CSMD2: variants seen among roughly 807,000 people sequenced by gnomAD.
The protein encoded by CSMD2 is CUB and sushi domain-containing protein 2.
CSMD2 carries 130 observed loss-of-function variants against 398.5 expected under a neutral mutation model. The ratio of observed to expected loss-of-function variants is 0.33; its 90% CI spans 0.28 to 0.38. The LOEUF (loss-of-function observed/expected upper bound fraction) is 0.38, where lower values mean the gene tolerates loss of function less well. CSMD2 is among the 10% of genes least tolerant of loss of function. The pLI is 1.00. For missense variants in CSMD2, 3,829 were observed against 4,764.9 expected, an observed-to-expected ratio of 0.80 and a Z score of 5.78; for synonymous variants, 1,828 against 1,908.5, an observed-to-expected ratio of 0.96 and a Z score of 1.10.
intron 1 of CSMD2, among the ~76,000 whole-genome samples, chr1:34,130,389 CAAAAAA>C (rs60733725): frequency 1.1e-3 from 66 of 58,496 alleles, no homozygotes; most frequent in East Asian, 4.1e-3. Flanking sequence ...TGTCTGGAGG[CAAAAAA>C]AAAAAAAAAA....
At chr1:33,526,040 T>C (rs565009698) in intron 65 of CSMD2, among the ~76,000 whole-genome samples, 14 of 152,326 alleles carry the variant, frequency 9.2e-5, no homozygotes, top group African/African-American at 3.4e-4. Context: ...GGTGAGATGA[T>C]GGGTATGTTA....
intron 1 of CSMD2, among the ~76,000 whole-genome samples, chr1:34,108,792 C>T (rs576961906): frequency 3.9e-5 from 6 of 152,134 alleles, no homozygotes; most frequent in Non-Finnish European, 2.9e-5. Flanking sequence ...TTGGGCCAGA[C>T]GGAACCACAG....
At chr1:34,025,285 C>A (rs1649494798) in intron 3 of CSMD2, among the ~76,000 whole-genome samples, 1 of 152,040 alleles carries the variant, frequency 6.6e-6, no homozygotes, top group South Asian at 2.1e-4. Context: ...AGAAGTGACA[C>A]TAAGTGGAGC....
intron 44 of CSMD2, among the ~76,000 whole-genome samples, chr1:33,591,207 A>G (rs1339601832): frequency 3.3e-5 from 5 of 151,984 alleles, no homozygotes; most frequent in African/African-American, 9.7e-5. Context: ...AGGCTGGTCT[A>G]GAACTGCCAA....
intron 24 of CSMD2, 82 bp downstream of exon 24, chr1:33,698,671 G>T: frequency 7.5e-7 from 1 of 1,330,416 alleles, no homozygotes; most frequent in Non-Finnish European, 1.0e-6. Context: ...TGGAGCATGG[G>T]GTCTAACTGG....
intron 1 of CSMD2, among the ~76,000 whole-genome samples, chr1:34,144,244 T>C (rs1639568614): frequency 1.3e-5 from 2 of 152,160 alleles, no homozygotes; most frequent in South Asian, 4.1e-4. Context: ...GCCAACCAGC[T>C]CAGGTCCAGA....
intron 1 of CSMD2, among the ~76,000 whole-genome samples, chr1:34,153,849 C>T (rs1275459992): frequency 6.6e-6 from 1 of 152,168 alleles, no homozygotes; most frequent in Non-Finnish European, 1.5e-5. Flanking sequence ...TCATCAGTGC[C>T]CTCCTATCTC....
Position 33,519,783 on chromosome 1 carries a change from G to T in CSMD2, c.10736+29C>A. The T allele has an allele frequency of 6.2e-7, 1 of 1,613,218 alleles. No individual in the cohort carries two copies. The highest frequency in any genetic ancestry group is 8.5e-7 in the Non-Finnish European group (1 of 1,179,322). Reference sequence around the variant, plus strand: ...AGGGAGAGAGGGAGGCCTGCCTGATGCCCGCCCTGCCTCCTTCCTGCACGG... The same window carrying T: ...AGGGAGAGAGGGAGGCCTGCCTGATTCCCGCCCTGCCTCCTTCCTGCACGG... On this transcript the variant is annotated intron_variant, in intron 69 of 70. Transcript: ENST00000373381. The surrounding 1 kb of genome is among the most constrained non-coding windows in gnomAD (Gnocchi z 5.6).
At position 33,537,489 on chromosome 1, in the gene CSMD2, C is replaced by T. The variant is rs149230645; in HGVS notation, c.9752G>A (p.Arg3251His). The change falls in exon 61 of 71, where the codon CGC (arginine) becomes CAC (histidine). Residue 3251 changes from arginine to histidine, a missense_variant. This residue lies in a region of CSMD2 where 917 missense variants were observed against 1,199.5 expected (regional missense o/e 0.76). Coordinates refer to ENST00000373381, the MANE Select transcript of CSMD2 (RefSeq NM_001281956.2). The surrounding 1 kb of genome is among the most constrained non-coding windows in gnomAD (Gnocchi z 4.6). ...HPPLVLVGSP[R>H]RFCQSDGTWS... The stretch of plus-strand genomic sequence containing the variant: ...TGTCCCATCTGACTGGCAAAACCTG[C>T]GTGGAGAGCCCACCAGCACCAGAGG... 5.1e-5 allele frequency: 83 copies of T among 1,614,158 alleles called. No homozygotes were observed. In the East Asian group the frequency reaches 6.7e-4, roughly 13 times the overall value.
At chr1:33,605,625 G>A (rs1187392759) in intron 41 of CSMD2, among the ~76,000 whole-genome samples, 155 bp from the exon 42 acceptor site, 4 of 152,192 alleles carry the variant, frequency 2.6e-5, no homozygotes. Context: ...ACTTGTGTAC[G>A]CCTCAGTTTT....
At chr1:33,908,993 G>C (rs1570470149) in intron 5 of CSMD2, among the ~76,000 whole-genome samples, 1 of 152,332 alleles carries the variant, frequency 6.6e-6, no homozygotes, top group South Asian at 2.1e-4. Context: ...AGGAAGGAGA[G>C]AGAAGCAAAG....
At chr1:33,747,176 A>C (rs1647501076) in intron 13 of CSMD2, among the ~76,000 whole-genome samples, 1 of 152,232 alleles carries the variant, frequency 6.6e-6, no homozygotes, top group Admixed American at 6.5e-5. Flanking sequence ...GAGGTTAACA[A>C]AAAGCATAAA....
intron 3 of CSMD2, among the ~76,000 whole-genome samples, chr1:34,016,672 AC>A (rs1272457564): frequency 1.3e-5 from 2 of 152,218 alleles, no homozygotes; most frequent in Non-Finnish European, 2.9e-5. Context: ...AGCACTATTT[AC>A]AATAGCAAAG....
intron 10 of CSMD2, among the ~76,000 whole-genome samples, chr1:33,794,124 T>G (rs1654666470): frequency 6.6e-6 from 1 of 152,208 alleles, no homozygotes; most frequent in Non-Finnish European, 1.5e-5. Flanking sequence ...AATCAAACCG[T>G]TCAGCACCCA....
chr1:34,119,609 G>T (rs1661963863), intron 1 of CSMD2, among the ~76,000 whole-genome samples: 1 of 152,064 alleles, frequency 6.6e-6, no homozygotes, highest in Non-Finnish European at 1.5e-5. Context: ...ATGAGCAAAG[G>T]ACTTTAATAG....
intron 5 of CSMD2, among the ~76,000 whole-genome samples, chr1:33,915,913 G>A (rs1379905718): frequency 6.6e-6 from 1 of 152,152 alleles, no homozygotes. Context: ...TCCCAGCTCT[G>A]CTCCTTACTC....
At chr1:33,695,263 T>C (rs960373792) in intron 24 of CSMD2, among the ~76,000 whole-genome samples, 1 of 152,034 alleles carries the variant, frequency 6.6e-6, no homozygotes, top group Admixed American at 6.5e-5. Flanking sequence ...GCATCACAGG[T>C]TGAAGGACCT....
intron 4 of CSMD2, among the ~76,000 whole-genome samples, chr1:33,929,375 A>G (rs1308037050): frequency 1.3e-5 from 2 of 149,878 alleles, no homozygotes; most frequent in Non-Finnish European, 2.9e-5. Context: ...AAATTGGACT[A>G]TACTTCTGCT....
intron 5 of CSMD2, among the ~76,000 whole-genome samples, chr1:33,897,314 TG>T (rs1642456133): frequency 6.6e-6 from 1 of 152,186 alleles, no homozygotes; most frequent in African/African-American, 2.4e-5. Context: ...GAAACAGATC[TG>T]GATCAGACAT....
Sources: allele counts gnomAD v4.1 joint callset (sites outside exome capture counted in the v4.1 genomes callset), GRCh38; gene constraint gnomAD v4.1.1; regional missense constraint gnomAD v4.1.1; non-coding constraint Gnocchi (gnomAD v3.1); transcripts MANE v1.5; gene names NCBI Gene and HGNC (gene_info 2026-07-23, HGNC 2026-07-21).